Variants in GBE1 observed in about 807,000 individuals in gnomAD.
GBE1 encodes the protein 1,4-alpha-glucan-branching enzyme.
GBE1 carries 70 observed loss-of-function variants against 88.8 expected under a neutral mutation model. That is an observed-to-expected ratio of 0.79 (90% confidence interval 0.65 to 0.96). The LOEUF is 0.96. Ranked by LOEUF, GBE1 falls within the 40% of genes least tolerant of loss-of-function variation. GBE1 has a pLI of 0.00. For synonymous variants in GBE1, 284 were observed against 300.1 expected (o/e 0.95, Z 0.56); for missense variants, 872 against 871.0 (o/e 1.00, Z -0.01).
intron 7 of GBE1, among the ~76,000 whole-genome samples, chr3:81,597,224 T>A (rs6768592): frequency 0.13 from 20,215 of 151,580 alleles, 1,981 homozygotes; most frequent in East Asian, 0.37. Flanking sequence ...TATATCCAGT[T>A]GATTAGAATC....
intron 14 of GBE1, among the ~76,000 whole-genome samples, chr3:81,519,445 C>T (rs1702843249): frequency 6.6e-6 from 1 of 151,370 alleles, no homozygotes; most frequent in Non-Finnish European, 1.5e-5. Context: ...GGAAAGGGGG[C>T]TGTTACTACA....
At chr3:81,614,623 G>C (rs1414030114) in intron 7 of GBE1, among the ~76,000 whole-genome samples, 1 of 152,130 alleles carries the variant, frequency 6.6e-6, no homozygotes, top group Non-Finnish European at 1.5e-5. Flanking sequence ...ACTTTGGGAG[G>C]CTGAGGTGGG....
rs113090159 is a variant in GBE1 at position 81,558,983 on chromosome 3, A to C, written c.1618+18942T>G. Among the ~76,000 whole-genome samples the C allele has an allele frequency of 9.7e-3, 1,469 of 152,222 alleles. 22 individuals are homozygous for C. The highest frequency in any genetic ancestry group is 0.032 in the African/African-American group (1,330 of 41,562). On this transcript the variant is annotated intron_variant, in intron 12 of 15. Transcript: ENST00000429644. ...TTGCCCTCATTTAGTTGGGGGCAGCATATACTGGCAAGAGAAGGAGAAAAA... is the reference window on the plus strand; with the variant it reads ...TTGCCCTCATTTAGTTGGGGGCAGCCTATACTGGCAAGAGAAGGAGAAAAA...
At position 81,674,395 on chromosome 3, in the gene GBE1, A is replaced by G. The variant is rs190082860; in HGVS notation, c.314-3442T>C. 2.0e-5 allele frequency among the ~76,000 whole-genome samples: 3 copies of G among 152,094 alleles called. No homozygotes were observed. The East Asian group carries it at 5.8e-4, about 29-fold the overall frequency. ...CATTGGATTTGGATCTGTGCTTATAAACTTAACATTAAACACTTAGCTAAG... is the reference window on the plus strand; with the variant it reads ...CATTGGATTTGGATCTGTGCTTATAGACTTAACATTAAACACTTAGCTAAG... On this transcript the variant is annotated intron_variant, in intron 2 of 15. Coordinates refer to ENST00000429644, the MANE Select transcript of GBE1 (RefSeq NM_000158.4).
At chr3:81,587,652 GT>G (rs1282584032) in intron 9 of GBE1, among the ~76,000 whole-genome samples, 4 of 152,154 alleles carry the variant, frequency 2.6e-5, no homozygotes, top group African/African-American at 9.7e-5. Flanking sequence ...GAGGGCAAGA[GT>G]TTATAGTTGT....
intron 10 of GBE1, 92 bp from the exon 11 acceptor site, chr3:81,581,367 A>C: frequency 7.0e-6 from 5 of 710,618 alleles, no homozygotes; most frequent in Middle Eastern, 4.9e-4. Context: ...ATATCAGTGC[A>C]AACTATTTGA....
chr3:81,705,901 A>G (rs910489412), intron 1 of GBE1, among the ~76,000 whole-genome samples: 1 of 152,136 alleles, frequency 6.6e-6, no homozygotes, highest in Non-Finnish European at 1.5e-5. Context: ...AAAAACTAGC[A>G]TTATAGCAAC....
chr3:81,668,490 A>G (rs1576192819), intron 3 of GBE1, among the ~76,000 whole-genome samples: 1 of 152,220 alleles, frequency 6.6e-6, no homozygotes, highest in East Asian at 1.9e-4. Flanking sequence ...TAATGAGTCA[A>G]TGACAAAATA....
intron 3 of GBE1, among the ~76,000 whole-genome samples, chr3:81,663,208 G>A (rs918283225): frequency 1.3e-5 from 2 of 152,094 alleles, no homozygotes; most frequent in South Asian, 2.1e-4. Flanking sequence ...CCTTCCAGCC[G>A]AAATGTTGCA....
At chr3:81,757,283 T>A (rs1383149925) in intron 1 of GBE1, among the ~76,000 whole-genome samples, 1 of 152,112 alleles carries the variant, frequency 6.6e-6, no homozygotes, top group African/African-American at 2.4e-5. Flanking sequence ...AGGGACCAGA[T>A]AATGCAGAAT....
In GBE1 at chr3:81,753,678, T is replaced by C. The variant is rs563852321; in HGVS notation, c.143+7697A>G. The stretch of plus-strand genomic sequence containing the variant: ...AAGTCATTTGAAGGCACTTTGAAAA[T>C]GAGAAGAGGTCAGAGCCTGTTGACC... On this transcript the variant is annotated intron_variant, in intron 1 of 15. Coordinates refer to ENST00000429644, the MANE Select transcript of GBE1 (RefSeq NM_000158.4). Among the ~76,000 whole-genome samples, 5 of 152,188 alleles carry C rather than the reference T, an allele frequency of 3.3e-5. No homozygotes were observed. In the South Asian group the frequency reaches 6.2e-4, roughly 19 times the overall value.
intron 12 of GBE1, among the ~76,000 whole-genome samples, chr3:81,554,150 T>C (rs555848261): frequency 2.6e-5 from 4 of 152,248 alleles, no homozygotes; most frequent in South Asian, 2.1e-4. Context: ...AAATACTCTA[T>C]TGGGAGAAAA....
chr3:81,680,494 CAAAA>C (rs10711455), intron 2 of GBE1, among the ~76,000 whole-genome samples: 2 of 94,702 alleles, frequency 2.1e-5, no homozygotes, highest in Admixed American at 1.1e-4. Context: ...GACTCCGTCT[CAAAA>C]AAAAAAAAAA....
At chr3:81,750,647 A>ATATATATATG (rs1706509287) in intron 1 of GBE1, among the ~76,000 whole-genome samples, 2 of 48,358 alleles carry the variant, frequency 4.1e-5, no homozygotes, top group South Asian at 1.1e-3. Flanking sequence ...ATATATATGT[A>ATATATATATG]TATATATATA....
At chr3:81,622,243 A>G (rs2121949) in intron 7 of GBE1, among the ~76,000 whole-genome samples, 34,936 of 152,146 alleles carry the variant, frequency 0.23, 4,227 homozygotes, top group East Asian at 0.41. Flanking sequence ...CAAATAAATG[A>G]CCACCATGCT....
chr3:81,650,383 G>A (rs1276552566), intron 3 of GBE1: 5 of 160,754 alleles, frequency 3.1e-5, no homozygotes, highest in Non-Finnish European at 6.7e-5. Flanking sequence ...AGAAAAACAG[G>A]TTTGATTAAC....
At chr3:81,639,048 G>A (rs184173306) in intron 7 of GBE1, among the ~76,000 whole-genome samples, 49 of 152,170 alleles carry the variant, frequency 3.2e-4, no homozygotes, top group South Asian at 2.5e-3. Flanking sequence ...CAAATGTAAG[G>A]GGTGGAAAAA....
intron 7 of GBE1, among the ~76,000 whole-genome samples, chr3:81,631,984 G>A (rs1427255812): frequency 6.6e-6 from 1 of 151,950 alleles, no homozygotes; most frequent in Non-Finnish European, 1.5e-5. Context: ...ATAGGCCCTG[G>A]TGTGTGATGT....
chr3:81,578,510 A>AAT (rs1008099989), intron 11 of GBE1, among the ~76,000 whole-genome samples: 4 of 150,698 alleles, frequency 2.7e-5, no homozygotes, highest in Non-Finnish European at 4.4e-5. Flanking sequence ...ATTGATATAT[A>AAT]ATATATATAT....
Sources: allele counts gnomAD v4.1 joint callset (sites outside exome capture counted in the v4.1 genomes callset), GRCh38; gene constraint gnomAD v4.1.1; transcripts MANE v1.5; gene names NCBI Gene and HGNC (gene_info 2026-07-23, HGNC 2026-07-21).